ROBO1: variants seen among roughly 807,000 people sequenced by gnomAD.
ROBO1 encodes the protein roundabout guidance receptor 1.
ROBO1 carries 149 observed loss-of-function variants against 195.9 expected under a neutral mutation model. The observed-to-expected ratio is 0.76, with a 90% CI of 0.67 to 0.87. The LOEUF is 0.87. Ranked by LOEUF, ROBO1 falls within the 40% of genes least tolerant of loss-of-function variation. ROBO1 has a pLI of 0.00. For synonymous variants in ROBO1, 816 were observed against 733.2 expected (o/e 1.11, Z -1.82); for missense variants, 1,933 against 2,068.3 (o/e 0.93, Z 1.27).
chr3:78,821,490 C>T (rs959600586), intron 4 of ROBO1, among the ~76,000 whole-genome samples: 4 of 152,000 alleles, frequency 2.6e-5, no homozygotes, highest in Admixed American at 2.0e-4. Context: ...CTTATGACAT[C>T]CCATCTGTGT....
intron 3 of ROBO1, among the ~76,000 whole-genome samples, chr3:78,960,416 T>C (rs1052904586): frequency 6.6e-6 from 1 of 150,818 alleles, no homozygotes; most frequent in Middle Eastern, 3.2e-3. Flanking sequence ...CTATGTATTA[T>C]ACATAAACTT....
At chr3:79,199,895 A>C (rs1486895835) in intron 2 of ROBO1, among the ~76,000 whole-genome samples, 1 of 151,822 alleles carries the variant, frequency 6.6e-6, no homozygotes, top group Non-Finnish European at 1.5e-5. Flanking sequence ...AGGGTGAATA[A>C]TGCAATATTT....
intron 10 of ROBO1, among the ~76,000 whole-genome samples, chr3:78,683,234 G>A (rs2080973334): frequency 6.6e-6 from 1 of 151,982 alleles, no homozygotes. Flanking sequence ...AACCATTGCT[G>A]AGAGAAATTA....
At chr3:78,875,460 T>C (rs1393418509) in intron 4 of ROBO1, among the ~76,000 whole-genome samples, 18 of 151,868 alleles carry the variant, frequency 1.2e-4, no homozygotes, top group Non-Finnish European at 7.4e-5. Context: ...ATAAATGATA[T>C]AGATAAAATG....
At chr3:78,696,056 G>T (rs996220429) in intron 8 of ROBO1, among the ~76,000 whole-genome samples, 1 of 147,060 alleles carries the variant, frequency 6.8e-6, no homozygotes, top group Admixed American at 6.9e-5. Flanking sequence ...TCCATACAGA[G>T]AATATGGTCC....
chr3:79,051,140 A>T (rs2078688842), intron 3 of ROBO1, among the ~76,000 whole-genome samples: 1 of 152,146 alleles, frequency 6.6e-6, no homozygotes, highest in Non-Finnish European at 1.5e-5. Flanking sequence ...TGAAAAGATC[A>T]AAAAACACAT....
chr3:78,961,795 T>A (rs923083590), intron 3 of ROBO1, among the ~76,000 whole-genome samples: 2 of 152,182 alleles, frequency 1.3e-5, no homozygotes, highest in African/African-American at 4.8e-5. Flanking sequence ...ACCCATAATT[T>A]TTTTTTAAGT....
chr3:79,656,308 A>G (rs1391380195), intron 1 of ROBO1, among the ~76,000 whole-genome samples: 1 of 151,934 alleles, frequency 6.6e-6, no homozygotes, highest in Non-Finnish European at 1.5e-5. Flanking sequence ...TGAGATAATA[A>G]TAATGAAATT....
chr3:78,826,491 G>A (rs1024153133), intron 4 of ROBO1, among the ~76,000 whole-genome samples: 1 of 152,150 alleles, frequency 6.6e-6, no homozygotes, highest in Non-Finnish European at 1.5e-5. Context: ...TTAGAGATCA[G>A]TCAGAGAGGC....
At chr3:79,464,858 G>T (rs1450051108) in intron 2 of ROBO1, among the ~76,000 whole-genome samples, 2 of 152,124 alleles carry the variant, frequency 1.3e-5, no homozygotes, top group Non-Finnish European at 2.9e-5. Flanking sequence ...TTTCATAGGT[G>T]CAGGTACTCT....
At chr3:79,227,849 T>G (rs990974138) in intron 2 of ROBO1, among the ~76,000 whole-genome samples, 10 of 152,210 alleles carry the variant, frequency 6.6e-5, no homozygotes, top group Admixed American at 4.6e-4. Context: ...TTAGCATGTT[T>G]ATTCGAGTGG....
intron 4 of ROBO1, among the ~76,000 whole-genome samples, chr3:78,759,697 T>C (rs1018102310): frequency 6.6e-6 from 1 of 152,180 alleles, no homozygotes; most frequent in African/African-American, 2.4e-5. Flanking sequence ...AGATTTGTTG[T>C]TTGTTAATTA....
At chr3:78,764,983 T>C (rs1036637745) in intron 4 of ROBO1, among the ~76,000 whole-genome samples, 9 of 152,200 alleles carry the variant, frequency 5.9e-5, no homozygotes, top group African/African-American at 2.2e-4. Flanking sequence ...ATAGTCGTGA[T>C]TTTGATTCAA....
intron 4 of ROBO1, among the ~76,000 whole-genome samples, chr3:78,860,057 T>C (rs1030623957): frequency 6.1e-5 from 9 of 146,796 alleles, no homozygotes; most frequent in East Asian, 2.0e-4. Context: ...CCAGCCTGGG[T>C]GACAGAGCGA....
chr3:79,210,024 G>A (rs528480436), intron 2 of ROBO1, among the ~76,000 whole-genome samples: 1 of 152,146 alleles, frequency 6.6e-6, no homozygotes, highest in Admixed American at 6.5e-5. Context: ...ATCTCTACAA[G>A]GAAAACTACA....
At chr3:79,039,466 T>C (rs1242697897) in intron 3 of ROBO1, among the ~76,000 whole-genome samples, 1 of 152,236 alleles carries the variant, frequency 6.6e-6, no homozygotes, top group African/African-American at 2.4e-5. Flanking sequence ...GCAGTAGAAA[T>C]AGCCATGGCT....
chr3:79,190,527 A>G (rs1223159229), intron 2 of ROBO1, among the ~76,000 whole-genome samples: 1 of 151,558 alleles, frequency 6.6e-6, no homozygotes, highest in Non-Finnish European at 1.5e-5. Flanking sequence ...GTTTCTGATG[A>G]CGACAGGGTT....
chr3:78,861,962 G>C (rs2034870670), intron 4 of ROBO1, among the ~76,000 whole-genome samples: 1 of 152,174 alleles, frequency 6.6e-6, no homozygotes, highest in African/African-American at 2.4e-5. Flanking sequence ...GTAATGGACA[G>C]ACCAGCTCTC....
chr3:79,026,581 G>A (rs1273590820), intron 3 of ROBO1, among the ~76,000 whole-genome samples: 2 of 152,066 alleles, frequency 1.3e-5, no homozygotes, highest in South Asian at 2.1e-4. Flanking sequence ...GAGATGACAT[G>A]AAAAAATATA....
Sources: allele counts gnomAD v4.1 joint callset (sites outside exome capture counted in the v4.1 genomes callset), GRCh38; gene constraint gnomAD v4.1.1; transcripts MANE v1.5; gene names NCBI Gene and HGNC (gene_info 2026-07-23, HGNC 2026-07-21).